TTLL5: variants seen among roughly 807,000 people sequenced by gnomAD.
TTLL5 encodes tubulin tyrosine ligase like 5.
Under a neutral mutation model 168.4 loss-of-function variants are expected in TTLL5, and 132 were observed. The ratio of observed to expected loss-of-function variants is 0.78; its 90% CI spans 0.68 to 0.91. TTLL5 has a LOEUF of 0.91. TTLL5 is among the 40% of genes least tolerant of loss of function. TTLL5 has a pLI of 0.00. For missense variants in TTLL5, 1,545 were observed against 1,581.5 expected (o/e 0.98, Z 0.39); for synonymous variants, 546 against 558.6 (o/e 0.98, Z 0.32).
chr14:75,869,821 A>ATTTTTTTTTTTT (rs10658095), intron 29 of TTLL5, among the ~76,000 whole-genome samples: 11,776 of 82,022 alleles, frequency 0.14, 4,136 homozygotes, highest in East Asian at 0.34. Context: ...TTCAACAAGT[A>ATTTTTTTTTTTT]TTTTTTTTTT....
At chr14:75,808,086 G>C (rs2140383318) in intron 27 of TTLL5, among the ~76,000 whole-genome samples, 1 of 152,204 alleles carries the variant, frequency 6.6e-6, no homozygotes, top group Admixed American at 6.5e-5. Flanking sequence ...AACTCCCCCT[G>C]TCAACACACA....
chr14:75,792,802 A>T, intron 26 of TTLL5, 114 bp from the exon 27 acceptor site: 1 of 846,644 alleles, frequency 1.2e-6, no homozygotes, highest in Non-Finnish European at 1.7e-6. Flanking sequence ...CTATATTATT[A>T]AAGATCCTTA....
intron 28 of TTLL5, among the ~76,000 whole-genome samples, chr14:75,857,293 T>TTGAC (rs1897178990): frequency 1.3e-5 from 2 of 151,938 alleles, no homozygotes; most frequent in Non-Finnish European, 2.9e-5. Flanking sequence ...ATATGATAGA[T>TTGAC]TTTTTTTCTA....
intron 29 of TTLL5, 64 bp downstream of exon 29, chr14:75,863,926 A>AAAGAAAAG: frequency 2.8e-5 from 35 of 1,257,814 alleles, no homozygotes; most frequent in Non-Finnish European, 3.5e-5. Flanking sequence ...AAAAAAAAAA[A>AAAGAAAAG]AAAAAAAAGG....
At chr14:75,925,798 C>G (rs1037878543) in intron 31 of TTLL5, among the ~76,000 whole-genome samples, 2 of 152,008 alleles carry the variant, frequency 1.3e-5, no homozygotes, top group Admixed American at 1.3e-4. Flanking sequence ...TCTGCAATCC[C>G]GGCACCTCGG....
Position 75,882,839 on chromosome 14 carries a change from T to C in TTLL5, c.3677T>C (p.Val1226Ala). 1 of 1,614,098 alleles carries C rather than the reference T, an allele frequency of 6.2e-7. No individual in the cohort carries two copies. The highest frequency in any genetic ancestry group is 8.5e-7 in the Non-Finnish European group (1 of 1,180,016). ...VPPPSSCASL[V>A]PKPPPNHEQV... ...CCTCCAAGTTCTTGCGCCTCCCTGG[T>C]TCCCAAACCCCCACCCAACCACGAA... Residue 1226 changes from valine (V) to alanine (A), a missense_variant, in exon 30 of 32, where the codon GTT (valine) becomes GCT (alanine). Val to Ala is a moderately conservative substitution (Grantham distance 64, BLOSUM62 0). Transcript: ENST00000298832.
At chr14:75,945,543 C>T (rs1212502486) in intron 31 of TTLL5, among the ~76,000 whole-genome samples, 2 of 152,046 alleles carry the variant, frequency 1.3e-5, no homozygotes, top group Non-Finnish European at 2.9e-5. Context: ...ACATAAGCCA[C>T]TGCACTTGGC....
At position 75,699,282 on chromosome 14, in the gene TTLL5, G is replaced by A; in HGVS notation, c.585+12G>A. 6.2e-7 allele frequency: 1 copy of A among 1,610,956 alleles called. No homozygotes were observed. Among genetic ancestry groups the A allele is most frequent in the Non-Finnish European group, 8.5e-7 (1 of 1,177,278 alleles). On this transcript the variant is annotated intron_variant, in intron 7 of 31. Coordinates refer to ENST00000298832, the MANE Select transcript of TTLL5 (RefSeq NM_015072.5). ...ACCTGATCAACAATGTAAGTATGCAGCAGATGGCAAACCTCTCTCCTCACT... is the reference window on the plus strand; with the variant it reads ...ACCTGATCAACAATGTAAGTATGCAACAGATGGCAAACCTCTCTCCTCACT...
intron 26 of TTLL5, among the ~76,000 whole-genome samples, chr14:75,788,433 C>T (rs575816919): frequency 1.1e-3 from 174 of 151,966 alleles, no homozygotes; most frequent in Non-Finnish European, 1.9e-3. Context: ...GAAAAGCAGA[C>T]ATAGAAAATA....
Position 75,735,234 on chromosome 14 carries a change from G to A in TTLL5, c.1226G>A (p.Arg409Gln), listed in dbSNP as rs142465256. The A allele has an allele frequency of 1.3e-3, 2,022 of 1,614,050 alleles. 1 individual carries two copies. Among genetic ancestry groups the A allele is most frequent in the Non-Finnish European group, 1.6e-3 (1,916 of 1,179,996 alleles). Residue 409 changes from arginine (R) to glutamine (Q), a missense_variant, in exon 15 of 32, where the codon CGG becomes CAG. Arg to Gln is a conservative substitution (Grantham distance 43). Coordinates refer to ENST00000298832, the MANE Select transcript of TTLL5 (RefSeq NM_015072.5). ...CQDPAQRAST[R>Q]PIYPTFESSR... ...GATCCTGCCCAGCGGGCATCAACTC[G>A]GCCAATTTATCCCACCTTTGAGTCT...
chr14:75,906,776 C>CA (rs2033164734), intron 31 of TTLL5: 1 of 956,308 alleles, frequency 1.0e-6, no homozygotes, highest in East Asian at 1.2e-4. Context: ...TCTAGCTTCT[C>CA]AAAATGACAG....
At chr14:75,839,302 T>C (rs1225483518) in intron 28 of TTLL5, among the ~76,000 whole-genome samples, 1 of 152,186 alleles carries the variant, frequency 6.6e-6, no homozygotes, top group African/African-American at 2.4e-5. Context: ...CTGTTTTCCA[T>C]AGCTGCAGCA....
At chr14:75,831,568 C>G (rs1895567620) in intron 28 of TTLL5, among the ~76,000 whole-genome samples, 1 of 152,168 alleles carries the variant, frequency 6.6e-6, no homozygotes, top group Non-Finnish European at 1.5e-5. Context: ...TCTAGAGCTG[C>G]TGTAACTCTG....
intron 8 of TTLL5, among the ~76,000 whole-genome samples, chr14:75,707,405 C>T (rs780530263): frequency 3.3e-5 from 5 of 151,570 alleles, no homozygotes; most frequent in African/African-American, 1.2e-4. Context: ...ATACATTATA[C>T]GGTTTTTATT....
At chr14:75,784,017 G>C (rs1488977044) in intron 26 of TTLL5, among the ~76,000 whole-genome samples, 1 of 152,126 alleles carries the variant, frequency 6.6e-6, no homozygotes, top group Non-Finnish European at 1.5e-5. Context: ...GCTTTATTGA[G>C]ATATAATTTA....
intron 31 of TTLL5, among the ~76,000 whole-genome samples, chr14:75,916,662 A>C (rs1418785048): frequency 6.6e-6 from 1 of 152,196 alleles, no homozygotes; most frequent in African/African-American, 2.4e-5. Context: ...TTGAATTACC[A>C]TATGATCCAG....
chr14:75,783,390 C>T lies in TTLL5; in HGVS notation c.2846C>T (p.Pro949Leu). The T allele has an allele frequency of 6.2e-7, 1 of 1,614,196 alleles. No individual in the cohort carries two copies. The highest frequency in any genetic ancestry group is 8.5e-7 in the Non-Finnish European group (1 of 1,180,040). The change falls in exon 26 of 32, where the codon CCC (proline) becomes CTC (leucine). Residue 949 changes from proline to leucine, a missense_variant. Transcript: ENST00000298832. ...GCCAGTGCTTCTCCCTGCCTACATC[C>T]CGGGGCACAGAACATCCCAAGCCCT... is the stretch of plus-strand genomic sequence containing the variant. ...VSASASPCLHPGAQNIPSPTG... is the reference protein window; with the variant it reads ...VSASASPCLHLGAQNIPSPTG...
chr14:75,779,027 C>T (rs781262493), intron 23 of TTLL5, among the ~76,000 whole-genome samples: 1 of 152,100 alleles, frequency 6.6e-6, no homozygotes, highest in African/African-American at 2.4e-5. Context: ...CTGTAAAGGT[C>T]CAGATAATAA....
At chr14:75,881,052 T>C (rs1441178545) in intron 29 of TTLL5, among the ~76,000 whole-genome samples, 1 of 152,204 alleles carries the variant, frequency 6.6e-6, no homozygotes, top group Non-Finnish European at 1.5e-5. Flanking sequence ...TCGCTGGGAC[T>C]ACAGGCAGGC....
Sources: gnomAD v4.1 joint callset for allele counts (sites outside exome capture counted in the v4.1 genomes callset) on GRCh38, gnomAD v4.1.1 for gene constraint, MANE v1.5 for transcripts, NCBI Gene and HGNC (gene_info 2026-07-23, HGNC 2026-07-21) for gene names.